Variants in KLF2 observed in about 807,000 individuals in gnomAD.
KLF2 encodes the protein Krueppel-like factor 2.
In KLF2, 9 loss-of-function variants were observed where a neutral mutation model predicts 22.2. The ratio of observed to expected loss-of-function variants is 0.40; its 90% CI spans 0.24 to 0.71. The LOEUF (loss-of-function observed/expected upper bound fraction) is 0.71, where lower values mean the gene tolerates loss of function less well. Ranked by LOEUF, KLF2 falls within the 30% of genes least tolerant of loss-of-function variation. The probability of loss-of-function intolerance (pLI) is 0.35; values close to 1 mark genes in which losing one functional copy is unlikely to be tolerated. For synonymous variants in KLF2, 299 were observed against 264.2 expected (o/e 1.13, Z -1.28); for missense variants, 481 against 542.1 (o/e 0.89, Z 1.12).
Position 16,326,013 on chromosome 19 carries a change from G to C in KLF2, c.873G>C (p.Ala291=). 6.4e-7 allele frequency: 1 copy of C among 1,551,718 alleles called. No individual in the cohort carries two copies. ...KTYTKSSHLK[A]HLRTHTGEKP... ...ACACCAAGAGTTCGCATCTGAAGGCGCATCTGCGCACGCACACAGGTGGGC... is the reference window on the plus strand; with the variant it reads ...ACACCAAGAGTTCGCATCTGAAGGCCCATCTGCGCACGCACACAGGTGGGC... Residue 291 remains alanine (A), a synonymous_variant, in exon 2 of 3, where the codon GCG becomes GCC. Transcript: ENST00000248071.
rs1324396130 is a variant in KLF2 at position 16,325,778 on chromosome 19, C to T, written c.638C>T (p.Pro213Leu). The T allele has an allele frequency of 5.4e-6, 7 of 1,292,472 alleles. No homozygotes were observed. In the East Asian group the frequency reaches 2.3e-4, roughly 42 times the overall value. 80.1% of individuals were successfully genotyped at this position (1,292,472 alleles called of 1,614,324 possible). The change falls in exon 2 of 3, where the codon CCG becomes CTG. Residue 213 changes from proline to leucine, a missense_variant. Pro to Leu is a moderately conservative substitution (Grantham distance 98). Coordinates refer to ENST00000248071, the MANE Select transcript of KLF2 (RefSeq NM_016270.4). ...CCCGGGCCCGGCCTGCATTACGCGC[C>T]GCCTGCGCCCCCAGCCTTCGGTCTC... ...GAPGPGLHYAPPAPPAFGLFD... is the reference protein window; with the variant it reads ...GAPGPGLHYALPAPPAFGLFD...
chr19:16,325,818 C>A lies in KLF2; in HGVS notation c.678C>A (p.Ala226=). The change falls in exon 2 of 3, where the codon GCC becomes GCA. Residue 226 remains alanine (A), a synonymous_variant. Coordinates refer to ENST00000248071, the MANE Select transcript of KLF2 (RefSeq NM_016270.4). ...CCTTCGGTCTCTTCGACGACGCGGC[C>A]GCCGCCGCGGCAGCCCTGGGCCTGG... ...PPAFGLFDDA[A]AAAAALGLAP... The A allele has an allele frequency of 3.0e-6, 4 of 1,353,472 alleles. No individual in the cohort carries two copies. The highest frequency in any genetic ancestry group is 3.1e-5 in the East Asian group (1 of 31,810). The allele number at this position is 1,353,472 out of a possible 1,614,324, so 83.8% of individuals were successfully genotyped here. A position where few individuals can be genotyped will look rare whatever the true frequency, so the allele number is the denominator to read the frequency against.
chr19:16,325,637 G>T lies in KLF2; in HGVS notation c.497G>T (p.Arg166Leu). The T allele has an allele frequency of 9.4e-7, 1 of 1,069,252 alleles. No individual in the cohort carries two copies. The allele number at this position is 1,069,252 out of a possible 1,614,324, so 66.2% of individuals were successfully genotyped here. A position where few individuals can be genotyped will look rare whatever the true frequency, so the allele number is the denominator to read the frequency against. ...AASCMRGPGGRPPPPPDTPPL... is the reference protein window; with the variant it reads ...AASCMRGPGGLPPPPPDTPPL... ...TCGTGCATGCGAGGTCCCGGGGGCC[G>T]CCCCCCGCCGCCGCCCGACACACCG... The change falls in exon 2 of 3, where the codon CGC becomes CTC. Residue 166 changes from arginine to leucine, a missense_variant. Arg to Leu is a moderately radical substitution (Grantham distance 102). This residue lies in a region of KLF2 where 421 missense variants were observed against 435.1 expected (regional missense o/e 0.97). Coordinates refer to ENST00000248071, the MANE Select transcript of KLF2 (RefSeq NM_016270.4).
chr19:16,325,236 C>G lies in KLF2; in HGVS notation c.96C>G (p.Pro32=), dbSNP rs1300275660. The G allele has an allele frequency of 6.5e-7, 1 of 1,535,982 alleles. No homozygotes were observed. The change falls in exon 2 of 3, where the codon CCC becomes CCG. Residue 32 remains proline (P), a synonymous_variant. Coordinates refer to ENST00000248071, the MANE Select transcript of KLF2 (RefSeq NM_016270.4). ...CGCAGCGCTGGCCGCGCGCCGAACC[C>G]GAGTCCGGCGGCACCGACGACGACC... is the stretch of plus-strand genomic sequence containing the variant. ...GLQERWPRAE[P]ESGGTDDDLN... is the part of the protein sequence containing the mutation.
chr19:16,327,059 G>T lies in KLF2; in HGVS notation c.*28G>T. ...GGGACGCCCCCGCCCACCTGCGCGC[G>T]GCCGTGGCGGGTCCCACGCGCCGGG... On this transcript the variant is annotated 3_prime_UTR_variant, in exon 3 of 3. Transcript: ENST00000248071. 6.5e-7 allele frequency: 1 copy of T among 1,527,580 alleles called. No homozygotes were observed. 94.6% of individuals were successfully genotyped at this position (1,527,580 alleles called of 1,614,324 possible). A position where few individuals can be genotyped will look rare whatever the true frequency, so the allele number is the denominator to read the frequency against.
rs1182315664 is a variant in KLF2 at position 16,327,541 on chromosome 19, C to CA, written c.*511dup. On this transcript the variant is annotated 3_prime_UTR_variant, in exon 3 of 3. Coordinates refer to ENST00000248071, the MANE Select transcript of KLF2 (RefSeq NM_016270.4). ...TTGCATCTTTTAAAAAAAATCACAG[C>CA]ACTGGTCTGGTTGCTTGGAACTGGG... The CA allele has an allele frequency of 6.6e-6, 1 of 152,034 alleles. No homozygotes were observed. Among genetic ancestry groups the CA allele is most frequent in the African/African-American group, 2.4e-5 (1 of 41,172 alleles). The allele number at this position is 152,034 out of a possible 1,614,324, so 9.4% of individuals were successfully genotyped here.
At position 16,326,174 on chromosome 19, in the gene KLF2, A is replaced by G. The variant is rs1041017271; in HGVS notation, c.892+142A>G. 5 of 742,544 alleles carry G rather than the reference A, an allele frequency of 6.7e-6. No individual in the cohort carries two copies. The Admixed American group carries it at 1.3e-4, about 20-fold the overall frequency. The allele number at this position is 742,544 out of a possible 1,614,324, so 46.0% of individuals were successfully genotyped here. ...ATCTGGCAGGTGGTGCACGCTTAGGACTCCCCAGGAGGCGTGGCTCGGGAG... is the reference window on the plus strand; with the variant it reads ...ATCTGGCAGGTGGTGCACGCTTAGGGCTCCCCAGGAGGCGTGGCTCGGGAG... On this transcript the variant is annotated intron_variant, in intron 2 of 2. Transcript: ENST00000248071.
At position 16,327,071 on chromosome 19, in the gene KLF2, TCCCACGCGCCGGGCGCGGC is replaced by T; in HGVS notation, c.*44_*62del. The T allele has an allele frequency of 2.0e-6, 3 of 1,499,934 alleles. No individual in the cohort carries two copies. The highest frequency in any genetic ancestry group is 2.5e-5 in the East Asian group (1 of 40,418). The allele number at this position is 1,499,934 out of a possible 1,614,324, so 92.9% of individuals were successfully genotyped here. On this transcript the variant is annotated 3_prime_UTR_variant, in exon 3 of 3. Coordinates refer to ENST00000248071, the MANE Select transcript of KLF2 (RefSeq NM_016270.4). ...CCCACCTGCGCGCGGCCGTGGCGGG[TCCCACGCGCCGGGCGCGGC>T]CCCCTCCCAAACTGTGACTGGTATT...
Position 16,326,966 on chromosome 19 carries a change from C to T in KLF2, c.1003C>T (p.His335Tyr). The change falls in exon 3 of 3, where the codon CAT becomes TAT. Residue 335 changes from histidine to tyrosine, a missense_variant. By Grantham distance (83) the His-to-Tyr change is moderately conservative. Around this residue, in one of 2 missense-constraint regions of KLF2, gnomAD observed 60 missense variants for 107.0 expected, o/e 0.56. Transcript: ENST00000248071. ...KHTGHRPFQC[H>Y]LCDRAFSRSD... ...CACGGGCCACCGGCCATTCCAGTGCCATCTGTGCGATCGTGCCTTCTCGCG... is the reference window on the plus strand; with the variant it reads ...CACGGGCCACCGGCCATTCCAGTGCTATCTGTGCGATCGTGCCTTCTCGCG... 1 of 1,613,546 alleles carries T rather than the reference C, an allele frequency of 6.2e-7. No individual in the cohort carries two copies. Among genetic ancestry groups the T allele is most frequent in the Non-Finnish European group, 8.5e-7 (1 of 1,179,944 alleles).
rs747057953 is a variant in KLF2 at position 16,324,974 on chromosome 19, G to A, written c.51G>A (p.Pro17=). Residue 17 remains proline (P), a synonymous_variant, in exon 1 of 3, where the codon CCG becomes CCA. Transcript: ENST00000248071. ...ILPSFSTFAS[P]CRERGLQERW... ...CGTCCTTCTCCACTTTCGCCAGCCC[G>A]TGCCGCGAGCGCGGCCTGCAGGAGG... 12 of 1,601,672 alleles carry A rather than the reference G, an allele frequency of 7.5e-6. No individual in the cohort carries two copies. The highest frequency in any genetic ancestry group is 1.4e-5 in the African/African-American group (1 of 73,486).
chr19:16,327,266 C>A lies in KLF2; in HGVS notation c.*235C>A. The A allele has an allele frequency of 2.1e-6, 1 of 480,056 alleles. No homozygotes were observed. Among genetic ancestry groups the A allele is most frequent in the Non-Finnish European group, 3.7e-6 (1 of 268,176 alleles). 29.7% of individuals were successfully genotyped at this position (480,056 alleles called of 1,614,324 possible). ...ATCCTCCTTGACGAGTTTTGTTTTTCAAAATGGTGCAATAATTTAAGTGGC... is the reference window on the plus strand; with the variant it reads ...ATCCTCCTTGACGAGTTTTGTTTTTAAAAATGGTGCAATAATTTAAGTGGC... On this transcript the variant is annotated 3_prime_UTR_variant, in exon 3 of 3. Coordinates refer to ENST00000248071, the MANE Select transcript of KLF2 (RefSeq NM_016270.4).
In KLF2 at chr19:16,325,334, C is replaced by T; in HGVS notation, c.194C>T (p.Pro65Leu). 1.4e-6 allele frequency: 2 copies of T among 1,473,470 alleles called. No homozygotes were observed. The highest frequency in any genetic ancestry group is 1.8e-6 in the Non-Finnish European group (2 of 1,119,722). 91.3% of individuals were successfully genotyped at this position (1,473,470 alleles called of 1,614,324 possible). ...GGCGCCGAGGCCGCCCCGGAGCCGC[C>T]GCCGCCGCCCCCGCCGCCTGCGTTC... ...GLGAEAAPEP[P>L]PPPPPPAFYY... Residue 65 changes from proline (P) to leucine (L), a missense_variant, in exon 2 of 3, where the codon CCG (proline) becomes CTG (leucine). Pro to Leu is a moderately conservative substitution (Grantham distance 98). Coordinates refer to ENST00000248071, the MANE Select transcript of KLF2 (RefSeq NM_016270.4).
In KLF2 at chr19:16,327,066, G is replaced by A; in HGVS notation, c.*35G>A. 6.6e-7 allele frequency: 1 copy of A among 1,518,422 alleles called. No homozygotes were observed. Among genetic ancestry groups the A allele is most frequent in the Non-Finnish European group, 8.8e-7 (1 of 1,130,990 alleles). The allele number at this position is 1,518,422 out of a possible 1,614,324, so 94.1% of individuals were successfully genotyped here. A position where few individuals can be genotyped will look rare whatever the true frequency, so the allele number is the denominator to read the frequency against. On this transcript the variant is annotated 3_prime_UTR_variant, in exon 3 of 3. Coordinates refer to ENST00000248071, the MANE Select transcript of KLF2 (RefSeq NM_016270.4). The stretch of plus-strand genomic sequence containing the variant: ...CCCCGCCCACCTGCGCGCGGCCGTG[G>A]CGGGTCCCACGCGCCGGGCGCGGCC...
rs759105086 is a variant in KLF2, at chr19:16,327,034, G to T, written c.*3G>T. 1.9e-6 allele frequency: 3 copies of T among 1,578,242 alleles called. No individual in the cohort carries two copies. The highest frequency in any genetic ancestry group is 2.6e-6 in the Non-Finnish European group (3 of 1,161,440). ...TGCACATGAAACGGCACATGTAGCC[G>T]GGACGCCCCCGCCCACCTGCGCGCG... On this transcript the variant is annotated 3_prime_UTR_variant, in exon 3 of 3. Coordinates refer to ENST00000248071, the MANE Select transcript of KLF2 (RefSeq NM_016270.4).
Position 16,327,277 on chromosome 19 carries a change from A to C in KLF2, c.*246A>C. On this transcript the variant is annotated 3_prime_UTR_variant, in exon 3 of 3. Transcript: ENST00000248071. ...CGAGTTTTGTTTTTCAAAATGGTGC[A>C]ATAATTTAAGTGGCATCTTCTCTCC... is the stretch of plus-strand genomic sequence containing the variant. 3 of 468,804 alleles carry C rather than the reference A, an allele frequency of 6.4e-6. No homozygotes were observed. The highest frequency in any genetic ancestry group is 7.7e-6 in the Non-Finnish European group (2 of 260,610). The allele number at this position is 468,804 out of a possible 1,614,324, so 29.0% of individuals were successfully genotyped here. A position where few individuals can be genotyped will look rare whatever the true frequency, so the allele number is the denominator to read the frequency against.
chr19:16,325,128 C>T (rs1193916177), intron 1 of KLF2, 88 bp from the exon 2 acceptor site: 2 of 1,297,950 alleles, frequency 1.5e-6, no homozygotes, highest in African/African-American at 1.6e-5. Context: ...ATGCGGGCCA[C>T]GGGGATCGCG....
Position 16,325,123 on chromosome 19 carries a change from G to A in KLF2, c.76-93G>A, listed in dbSNP as rs934596342. The A allele has an allele frequency of 1.2e-5, 16 of 1,315,712 alleles. No homozygotes were observed. The African/African-American group carries it at 2.3e-4, about 19-fold the overall frequency. 81.5% of individuals were successfully genotyped at this position (1,315,712 alleles called of 1,614,324 possible). Reference sequence around the variant, plus strand: ...TGCAGACTCAGGAGAGGAGGATGCGGGCCACGGGGATCGCGGACTTAGGGT... The same window carrying A: ...TGCAGACTCAGGAGAGGAGGATGCGAGCCACGGGGATCGCGGACTTAGGGT... On this transcript the variant is annotated intron_variant, in intron 1 of 2. Transcript: ENST00000248071.
intron 2 of KLF2, among the ~76,000 whole-genome samples, 159 bp from the exon 3 acceptor site, chr19:16,326,697 G>A (rs1253892896): frequency 2.0e-5 from 3 of 152,098 alleles, no homozygotes; most frequent in Non-Finnish European, 4.4e-5. Flanking sequence ...GGATTGTGGG[G>A]GGAGTTGGGG....
Position 16,325,405 on chromosome 19 carries a change from G to A in KLF2, c.265G>A (p.Gly89Ser). The change falls in exon 2 of 3, where the codon GGT becomes AGT. Residue 89 changes from glycine (G) to serine (S), a missense_variant. By Grantham distance (56) the Gly-to-Ser change is moderately conservative (BLOSUM62 0). Transcript: ENST00000248071. ...GAPPPYSAPA[G>S]GLVSELLRPE... ...GCCCCCGCCCTACAGCGCCCCCGCG[G>A]GTGGCCTGGTGTCTGAGCTGCTGCG... is the stretch of plus-strand genomic sequence containing the variant. The A allele has an allele frequency of 7.0e-7, 1 of 1,424,478 alleles. No individual in the cohort carries two copies. The allele number at this position is 1,424,478 out of a possible 1,614,324, so 88.2% of individuals were successfully genotyped here.
Sources: gnomAD v4.1 joint callset for allele counts (sites outside exome capture counted in the v4.1 genomes callset) on GRCh38, gnomAD v4.1.1 for gene constraint, gnomAD v4.1.1 regional missense constraint, MANE v1.5 for transcripts, NCBI Gene and HGNC (gene_info 2026-07-23, HGNC 2026-07-21) for gene names.